Variants in CADM2 observed in about 807,000 individuals in gnomAD.
The protein encoded by CADM2 is immunoglobulin superfamily member 4D.
CADM2 carries 12 observed loss-of-function variants against 49.8 expected under a neutral mutation model. That is an observed-to-expected ratio of 0.24 (90% CI 0.15 to 0.39). The LOEUF (loss-of-function observed/expected upper bound fraction) is 0.39. CADM2 is among the 10% of genes least tolerant of loss of function. The pLI, the probability that CADM2 is intolerant of heterozygous loss-of-function variation, is 1.00. For missense variants in CADM2, 378 were observed against 492.3 expected (o/e 0.77, Z 2.20); for synonymous variants, 214 against 175.4 (o/e 1.22, Z -1.74).
At chr3:85,965,894 T>C (rs1725414017) in intron 8 of CADM2, among the ~76,000 whole-genome samples, 1 of 151,648 alleles carries the variant, frequency 6.6e-6, no homozygotes, top group Non-Finnish European at 1.5e-5. Context: ...CATCAATTGA[T>C]TAAAAATACA....
intron 1 of CADM2, among the ~76,000 whole-genome samples, chr3:85,190,810 TC>T (rs1395534804): frequency 6.6e-6 from 1 of 152,126 alleles, no homozygotes; most frequent in East Asian, 1.9e-4. Flanking sequence ...AGTTTTAATT[TC>T]CCTTGATGAA....
intron 7 of CADM2, among the ~76,000 whole-genome samples, chr3:85,939,754 C>T (rs1306343767): frequency 1.4e-5 from 2 of 148,112 alleles, no homozygotes; most frequent in East Asian, 4.0e-4. Flanking sequence ...GCTGTACTTA[C>T]TATTTTACTT....
At chr3:85,114,932 G>A (rs1177543505) in intron 1 of CADM2, among the ~76,000 whole-genome samples, 1 of 152,070 alleles carries the variant, frequency 6.6e-6, no homozygotes, top group African/African-American at 2.4e-5. Context: ...CATATAAAGA[G>A]TATTCATATA....
intron 1 of CADM2, among the ~76,000 whole-genome samples, chr3:85,084,812 A>G (rs1349833055): frequency 6.6e-6 from 1 of 152,100 alleles, no homozygotes; most frequent in East Asian, 1.9e-4. Flanking sequence ...TTTTAGGTAT[A>G]AATTTCAATA....
chr3:85,539,023 C>T (rs1262552342), intron 1 of CADM2, among the ~76,000 whole-genome samples: 1 of 151,858 alleles, frequency 6.6e-6, no homozygotes, highest in South Asian at 2.1e-4. Context: ...GTACTTTTGC[C>T]TTCCCTTATA....
chr3:85,984,307 A>C (rs1727830872), intron 8 of CADM2, among the ~76,000 whole-genome samples: 1 of 151,208 alleles, frequency 6.6e-6, no homozygotes, highest in Admixed American at 6.6e-5. Flanking sequence ...TCTAGTATTA[A>C]TATAAGCATT....
chr3:85,199,333 T>TTGTGTGTGTGTGTGTGTG (rs35067183), intron 1 of CADM2, among the ~76,000 whole-genome samples: 4 of 134,428 alleles, frequency 3.0e-5, no homozygotes, highest in African/African-American at 1.2e-4. Flanking sequence ...GTAACTCTCT[T>TTGTGTGTGTGTGTGTGTG]TGTGTGTGTG....
chr3:85,224,865 C>T (rs1384770377), intron 1 of CADM2, among the ~76,000 whole-genome samples: 1 of 152,126 alleles, frequency 6.6e-6, no homozygotes, highest in Non-Finnish European at 1.5e-5. Flanking sequence ...GGGATCGTTT[C>T]CCCATTGCTT....
rs534106459 is a variant in CADM2, at chr3:85,185,342, T to C, written c.61+225674T>C. On this transcript the variant is annotated intron_variant, in intron 1 of 9. Transcript: ENST00000383699. Reference sequence around the variant, plus strand: ...GGAAACAAAAAATGAAAAAAAAAAATGATGGTCCTTATTGGAAATAGGAAC... The same window carrying C: ...GGAAACAAAAAATGAAAAAAAAAAACGATGGTCCTTATTGGAAATAGGAAC... 4.0e-5 allele frequency among the ~76,000 whole-genome samples: 6 copies of C among 150,136 alleles called. No individual in the cohort carries two copies. In the East Asian group the frequency reaches 1.2e-3, roughly 29 times the overall value.
chr3:85,431,100 A>T (rs1295337358), intron 1 of CADM2, among the ~76,000 whole-genome samples: 1 of 152,118 alleles, frequency 6.6e-6, no homozygotes, highest in Non-Finnish European at 1.5e-5. Flanking sequence ...TAGATACACA[A>T]ATTCTTACTG....
At chr3:85,822,947 G>T (rs974994596) in intron 3 of CADM2, among the ~76,000 whole-genome samples, 2 of 152,028 alleles carry the variant, frequency 1.3e-5, no homozygotes, top group African/African-American at 4.8e-5. Context: ...TCTAACTTTT[G>T]CTTGGTCCTT....
At chr3:85,193,580 C>T (rs1021046057) in intron 1 of CADM2, among the ~76,000 whole-genome samples, 6 of 152,144 alleles carry the variant, frequency 3.9e-5, no homozygotes, top group Middle Eastern at 3.4e-3. Flanking sequence ...CCTCACTCCT[C>T]ACCCTCTATC....
chr3:85,299,772 G>A (rs1291481492), intron 1 of CADM2, among the ~76,000 whole-genome samples: 1 of 151,982 alleles, frequency 6.6e-6, no homozygotes, highest in Non-Finnish European at 1.5e-5. Flanking sequence ...CTTTTCTGAA[G>A]CATGTGAGAG....
At chr3:85,700,892 AC>A (rs2066732392) in intron 1 of CADM2, among the ~76,000 whole-genome samples, 2 of 152,198 alleles carry the variant, frequency 1.3e-5, no homozygotes, top group South Asian at 4.1e-4. Context: ...CTCTGCCTGT[AC>A]CCACTTCCAA....
chr3:85,072,911 A>G (rs1199579463), intron 1 of CADM2, among the ~76,000 whole-genome samples: 2 of 152,080 alleles, frequency 1.3e-5, no homozygotes, highest in Non-Finnish European at 2.9e-5. Context: ...TCATTGCAGG[A>G]CATTTAACCC....
intron 1 of CADM2, among the ~76,000 whole-genome samples, chr3:85,131,072 A>C (rs950446597): frequency 2.0e-5 from 3 of 152,054 alleles, no homozygotes; most frequent in Non-Finnish European, 4.4e-5. Flanking sequence ...CCAGCTACTC[A>C]GGAGGCTGAG....
intron 1 of CADM2, among the ~76,000 whole-genome samples, chr3:85,255,703 A>G (rs969918375): frequency 1.3e-5 from 2 of 152,016 alleles, no homozygotes; most frequent in African/African-American, 4.8e-5. Context: ...CCCCATCTCT[A>G]CTGCCTGCAC....
chr3:84,959,559 G>C lies in CADM2; in HGVS notation c.-49G>C, dbSNP rs1262679260. Reference sequence around the variant, plus strand: ...CTGCACTCTCGTGCCCCGCTCACCAGCATCTACTTGCCCCCTCGTTCCTTC... The same window carrying C: ...CTGCACTCTCGTGCCCCGCTCACCACCATCTACTTGCCCCCTCGTTCCTTC... On this transcript the variant is annotated 5_prime_UTR_variant, in exon 1 of 10. Transcript: ENST00000383699. 2.0e-6 allele frequency: 3 copies of C among 1,505,874 alleles called. No individual in the cohort carries two copies. The highest frequency in any genetic ancestry group is 1.7e-4 in the Middle Eastern group (1 of 5,924). The allele number at this position is 1,505,874 out of a possible 1,614,324, so 93.3% of individuals were successfully genotyped here.
At chr3:85,071,611 T>C (rs1223967818) in intron 1 of CADM2, among the ~76,000 whole-genome samples, 1 of 152,154 alleles carries the variant, frequency 6.6e-6, no homozygotes, top group Admixed American at 6.5e-5. Context: ...TTGAGTTTGT[T>C]TCATTGTGAT....
Sources: allele counts gnomAD v4.1 joint callset (sites outside exome capture counted in the v4.1 genomes callset), GRCh38; gene constraint gnomAD v4.1.1; transcripts MANE v1.5; gene names NCBI Gene and HGNC (gene_info 2026-07-23, HGNC 2026-07-21).